LINGO2: variants seen among roughly 807,000 people sequenced by gnomAD.
The protein encoded by LINGO2 is leucine rich repeat and Ig domain containing 2.
Under a neutral mutation model 30.6 loss-of-function variants are expected in LINGO2, and 14 were observed. The ratio of observed to expected loss-of-function variants is 0.46; its 90% CI spans 0.30 to 0.72. LINGO2 has a LOEUF of 0.72. Among genes scored for constraint, LINGO2 ranks in the 30% least tolerant of loss-of-function variants. LINGO2 has a pLI of 0.07. For missense variants in LINGO2, 729 were observed against 751.7 expected (o/e 0.97, Z 0.35); for synonymous variants, 317 against 288.5 (o/e 1.10, Z -1.00).
chr9:28,553,170 G>A (rs1243456656), intron 1 of LINGO2, among the ~76,000 whole-genome samples: 2 of 152,132 alleles, frequency 1.3e-5, no homozygotes, highest in African/African-American at 4.8e-5. Context: ...CAAGCTGAGA[G>A]AAGAAGGCTT....
chr9:28,375,400 G>A (rs886644339), intron 2 of LINGO2, among the ~76,000 whole-genome samples: 1 of 151,166 alleles, frequency 6.6e-6, no homozygotes, highest in Non-Finnish European at 1.5e-5. Context: ...TCCAAATTAG[G>A]GTTTGCCTTA....
chr9:28,415,501 A>T (rs1204220230), intron 2 of LINGO2, among the ~76,000 whole-genome samples: 4 of 152,120 alleles, frequency 2.6e-5, no homozygotes, highest in African/African-American at 9.7e-5. Context: ...CTGCTACCTC[A>T]TTCTGAGATG....
chr9:28,572,473 T>C (rs1443628719), intron 1 of LINGO2, among the ~76,000 whole-genome samples: 1 of 152,082 alleles, frequency 6.6e-6, no homozygotes, highest in African/African-American at 2.4e-5. Context: ...GACATTATTT[T>C]TTGAAATCCA....
chr9:28,403,104 G>A (rs1167608576), intron 2 of LINGO2, among the ~76,000 whole-genome samples: 1 of 152,176 alleles, frequency 6.6e-6, no homozygotes, highest in Non-Finnish European at 1.5e-5. Flanking sequence ...CAACTGTAGT[G>A]ATGATAAAGG....
At chr9:28,790,484 A>G in the LINGO2 span, among the ~76,000 whole-genome samples, 1 of 146,572 alleles carries the variant, frequency 6.8e-6, no homozygotes, top group Non-Finnish European at 1.5e-5. Context: ...GCCCGCCACC[A>G]CGCCCGGCTA....
At chr9:28,125,454 T>C (rs1307775292) in intron 4 of LINGO2, among the ~76,000 whole-genome samples, 1 of 152,242 alleles carries the variant, frequency 6.6e-6, no homozygotes, top group East Asian at 1.9e-4. Flanking sequence ...ATTTATGGAA[T>C]ATTTTAGTGG....
At chr9:29,055,936 G>GTATATATATATATATATATATATATATA in the LINGO2 span, among the ~76,000 whole-genome samples, 1 of 121,862 alleles carries the variant, frequency 8.2e-6, no homozygotes, top group Non-Finnish European at 1.8e-5. Flanking sequence ...GTGTATGTGT[G>GTATATATATATATATATATATATATATA]TGTGTATATA....
At chr9:29,175,853 G>A in the LINGO2 span, among the ~76,000 whole-genome samples, 4 of 152,120 alleles carry the variant, frequency 2.6e-5, no homozygotes, top group Admixed American at 2.6e-4. Context: ...TTAAAAAAGA[G>A]TAAATCTTTA....
intron 4 of LINGO2, among the ~76,000 whole-genome samples, chr9:28,226,679 GAAA>G (rs1821175242): frequency 1.1e-5 from 1 of 94,862 alleles, no homozygotes; most frequent in Non-Finnish European, 2.0e-5. Context: ...AAGAAAGAAA[GAAA>G]GAAAGAAAGA....
chr9:28,708,404 T>A, the LINGO2 span, among the ~76,000 whole-genome samples: 1 of 152,162 alleles, frequency 6.6e-6, no homozygotes, highest in Admixed American at 6.6e-5. Context: ...CTCTTGCAGA[T>A]GCCTCATCAC....
chr9:28,224,156 T>C (rs1821064572), intron 4 of LINGO2, among the ~76,000 whole-genome samples: 1 of 152,184 alleles, frequency 6.6e-6, no homozygotes, highest in East Asian at 1.9e-4. Context: ...GCTCTGCCTC[T>C]CGGGTTCACA....
chr9:29,034,308 A>G, the LINGO2 span, among the ~76,000 whole-genome samples: 1 of 152,144 alleles, frequency 6.6e-6, no homozygotes, highest in African/African-American at 2.4e-5. Flanking sequence ...AAGAGTATTG[A>G]ATACATAGCA....
chr9:28,222,678 A>G (rs17699344), intron 4 of LINGO2, among the ~76,000 whole-genome samples: 12,531 of 152,292 alleles, frequency 0.082, 702 homozygotes, highest in Middle Eastern at 0.14. Context: ...TATTTGGATG[A>G]TTCCAAATGC....
chr9:28,634,781 C>T (rs767769694), intron 1 of LINGO2, among the ~76,000 whole-genome samples: 6 of 152,090 alleles, frequency 3.9e-5, no homozygotes, highest in African/African-American at 9.7e-5. Context: ...CCACCGCACC[C>T]GGCCTCCCTA....
the LINGO2 span, among the ~76,000 whole-genome samples, chr9:28,807,664 C>T: frequency 6.6e-6 from 1 of 151,870 alleles, no homozygotes; most frequent in Non-Finnish European, 1.5e-5. Context: ...TAACATTTGC[C>T]CCATGTAAGC....
At chr9:28,557,698 G>T (rs894794339) in intron 1 of LINGO2, among the ~76,000 whole-genome samples, 2 of 151,490 alleles carry the variant, frequency 1.3e-5, no homozygotes, top group Non-Finnish European at 2.9e-5. Flanking sequence ...ACATGCACAT[G>T]TATGTTTATT....
chr9:28,591,432 C>A (rs1342739467), intron 1 of LINGO2, among the ~76,000 whole-genome samples: 1 of 151,984 alleles, frequency 6.6e-6, no homozygotes, highest in Non-Finnish European at 1.5e-5. Context: ...CTGTCTCCCA[C>A]TTCCAGAGGA....
Position 28,062,982 on chromosome 9 carries a change from T to C in LINGO2, c.-86-50577A>G, listed in dbSNP as rs183853634. Among the ~76,000 whole-genome samples the C allele has an allele frequency of 1.4e-3, 212 of 152,220 alleles. 2 individuals carry two copies. The highest frequency in any genetic ancestry group is 4.9e-3 in the African/African-American group (202 of 41,550). On this transcript the variant is annotated intron_variant, in intron 4 of 5. Transcript: ENST00000379992. ...GAACATTTCATTTACTTAATATATT[T>C]TTATTACTACATGTACTCCTTACCC... is the stretch of plus-strand genomic sequence containing the variant.
chr9:28,540,109 T>C (rs144911682), intron 1 of LINGO2, among the ~76,000 whole-genome samples: 1 of 152,256 alleles, frequency 6.6e-6, no homozygotes, highest in African/African-American at 2.4e-5. Context: ...AAAAACAGTT[T>C]GATAAGACTG....
Sources: allele counts gnomAD v4.1 joint callset (sites outside exome capture counted in the v4.1 genomes callset), GRCh38; gene constraint gnomAD v4.1.1; transcripts MANE v1.5; gene names NCBI Gene and HGNC (gene_info 2026-07-23, HGNC 2026-07-21).